Variants in MTUS2 observed in about 807,000 individuals in gnomAD.
MTUS2 encodes the protein microtubule associated scaffold protein 2.
A neutral mutation model predicts 114.1 loss-of-function variants in MTUS2; 40 were observed. The ratio of observed to expected loss-of-function variants is 0.35; its 90% CI spans 0.27 to 0.46. The LOEUF (loss-of-function observed/expected upper bound fraction) is 0.46. MTUS2 is among the 20% of genes least tolerant of loss of function. The pLI is 1.00. For synonymous variants in MTUS2, 688 were observed against 672.0 expected, an observed-to-expected ratio of 1.02 and a Z score of -0.37; for missense variants, 1,679 against 1,705.4, an observed-to-expected ratio of 0.98 and a Z score of 0.27.
At chr13:28,837,909 A>G (rs1229338845) in intron 1 of MTUS2, among the ~76,000 whole-genome samples, 3 of 151,950 alleles carry the variant, frequency 2.0e-5, no homozygotes, top group African/African-American at 7.3e-5. Flanking sequence ...TGAATGTCAG[A>G]TTTACTTTGC....
At chr13:29,329,161 T>C (rs1900655496) in intron 7 of MTUS2, among the ~76,000 whole-genome samples, 1 of 152,208 alleles carries the variant, frequency 6.6e-6, no homozygotes, top group Admixed American at 6.5e-5. Flanking sequence ...CTTTAAGTTC[T>C]GGGATACATG....
intron 4 of MTUS2, among the ~76,000 whole-genome samples, chr13:29,042,553 C>T (rs1374845731): frequency 6.6e-6 from 1 of 152,126 alleles, no homozygotes; most frequent in Admixed American, 6.5e-5. Context: ...ACCAGTTCTT[C>T]TTTGAAGGTC....
At chr13:29,023,710 G>C (rs924435303) in intron 2 of MTUS2, among the ~76,000 whole-genome samples, 23 of 152,040 alleles carry the variant, frequency 1.5e-4, no homozygotes, top group African/African-American at 5.6e-4. Flanking sequence ...GAAAATCCAG[G>C]CTCCGCTGAC....
At chr13:29,132,375 A>C (rs1408831645) in intron 5 of MTUS2, among the ~76,000 whole-genome samples, 1 of 152,208 alleles carries the variant, frequency 6.6e-6, no homozygotes, top group Admixed American at 6.5e-5. Flanking sequence ...GGTAGAATAC[A>C]CACGACAAAA....
chr13:29,121,436 T>TACAC (rs34032510), intron 5 of MTUS2, among the ~76,000 whole-genome samples: 5,933 of 150,288 alleles, frequency 0.039, 157 homozygotes, highest in Non-Finnish European at 0.052. Flanking sequence ...TGTAATGAAA[T>TACAC]ACACACACAC....
chr13:28,845,105 C>T (rs7999268), intron 2 of MTUS2, among the ~76,000 whole-genome samples: 9,196 of 152,160 alleles, frequency 0.06, 419 homozygotes, highest in African/African-American at 0.13. Flanking sequence ...AGGCAAGTGT[C>T]ACCAGGCCTG....
intron 6 of MTUS2, among the ~76,000 whole-genome samples, chr13:29,316,722 T>C (rs1412701188): frequency 1.3e-5 from 2 of 152,186 alleles, no homozygotes; most frequent in African/African-American, 4.8e-5. Context: ...TAAATGCAGA[T>C]ATGTTACAAA....
Position 29,492,664 on chromosome 13 carries a change from A to C in MTUS2, c.3524A>C (p.Glu1175Ala). 6.2e-6 allele frequency: 10 copies of C among 1,613,656 alleles called. No homozygotes were observed. Among genetic ancestry groups the C allele is most frequent in the Non-Finnish European group, 8.5e-6 (10 of 1,179,626 alleles). Residue 1175 changes from glutamate to alanine, a missense_variant, in exon 12 of 16, where the codon GAG (glutamate) becomes GCG (alanine). Physicochemically the swap from Glu to Ala is moderately radical, Grantham distance 107. Around this residue, in one of 3 missense-constraint regions of MTUS2, gnomAD observed 822 missense variants for 899.7 expected, o/e 0.91. Transcript: ENST00000612955. The part of the protein sequence containing the change: ...HKVQELMSTH[E>A]LEKKELEENF... ...TTTCCAGAATTGATGTCCACTCATG[A>C]GCTTGAAAAGAAAGAATTGGAAGAA... is the stretch of plus-strand genomic sequence containing the variant.
intron 4 of MTUS2, among the ~76,000 whole-genome samples, chr13:29,093,774 C>T (rs1449192971): frequency 2.0e-5 from 3 of 152,170 alleles, no homozygotes; most frequent in Non-Finnish European, 2.9e-5. Context: ...CTCTGGCTAG[C>T]ACCTTCCATA....
chr13:28,928,147 A>G (rs1220359134), intron 2 of MTUS2, among the ~76,000 whole-genome samples: 1 of 152,170 alleles, frequency 6.6e-6, no homozygotes. Context: ...GCATGAAACT[A>G]CTAGATGAAA....
intron 5 of MTUS2, among the ~76,000 whole-genome samples, chr13:29,102,205 T>C (rs1890448248): frequency 6.6e-6 from 1 of 152,230 alleles, no homozygotes; most frequent in South Asian, 2.1e-4. Flanking sequence ...ATGTGCATAT[T>C]AGCAGTCTGA....
chr13:29,220,501 G>A (rs879468305), intron 5 of MTUS2, among the ~76,000 whole-genome samples: 13 of 152,282 alleles, frequency 8.5e-5, no homozygotes, highest in African/African-American at 1.7e-4. Context: ...CTCATCGTAG[G>A]TTATTAATTG....
intron 7 of MTUS2, among the ~76,000 whole-genome samples, chr13:29,352,651 T>C (rs1019686045): frequency 1.3e-5 from 2 of 152,246 alleles, no homozygotes; most frequent in African/African-American, 2.4e-5. Flanking sequence ...TTTAGTATAA[T>C]GTTTTTAATG....
intron 9 of MTUS2, among the ~76,000 whole-genome samples, chr13:29,471,506 A>G (rs1473177890): frequency 6.6e-6 from 1 of 152,202 alleles, no homozygotes; most frequent in Non-Finnish European, 1.5e-5. Context: ...TGGCCTGCCT[A>G]TCTGAACACA....
intron 5 of MTUS2, among the ~76,000 whole-genome samples, chr13:29,232,190 T>A (rs1423162697): frequency 6.6e-6 from 1 of 152,152 alleles, no homozygotes; most frequent in East Asian, 1.9e-4. Context: ...ATTCAGATTT[T>A]TGTAGGAAAT....
intron 4 of MTUS2, among the ~76,000 whole-genome samples, chr13:29,050,539 G>C (rs1887844378): frequency 6.6e-6 from 1 of 152,052 alleles, no homozygotes; most frequent in African/African-American, 2.4e-5. Context: ...TGCCCCAGGG[G>C]TGCTCTCCCT....
intron 4 of MTUS2, among the ~76,000 whole-genome samples, chr13:29,044,163 CT>C (rs1230289808): frequency 6.6e-6 from 1 of 151,802 alleles, no homozygotes; most frequent in African/African-American, 2.4e-5. Flanking sequence ...GTTGTGAATT[CT>C]TTTGGTTTTT....
intron 6 of MTUS2, among the ~76,000 whole-genome samples, chr13:29,320,017 G>A (rs1012688628): frequency 6.6e-6 from 1 of 152,208 alleles, no homozygotes; most frequent in Non-Finnish European, 1.5e-5. Context: ...CCCTGAATAT[G>A]TCCATGTATG....
intron 8 of MTUS2, among the ~76,000 whole-genome samples, chr13:29,419,597 C>G (rs1387486262): frequency 6.6e-6 from 1 of 152,202 alleles, no homozygotes; most frequent in African/African-American, 2.4e-5. Flanking sequence ...CCCATTCTTT[C>G]CAAAGCAGTG....
Sources: gnomAD v4.1 joint callset for allele counts (sites outside exome capture counted in the v4.1 genomes callset) on GRCh38, gnomAD v4.1.1 for gene constraint, gnomAD v4.1.1 regional missense constraint, MANE v1.5 for transcripts, NCBI Gene and HGNC (gene_info 2026-07-23, HGNC 2026-07-21) for gene names.